The following WWTR1 variants were observed in gnomAD, a reference collection of about 807,000 sequenced individuals.
WWTR1 encodes the protein WW domain containing transcription regulator 1, also known as WW domain-containing transcription regulator protein 1.
In WWTR1, 13 loss-of-function variants were observed where a neutral mutation model predicts 40.1. That is an observed-to-expected ratio of 0.32 (90% CI 0.21 to 0.52). The LOEUF (loss-of-function observed/expected upper bound fraction) is 0.52. Ranked by LOEUF, WWTR1 falls within the 20% of genes least tolerant of loss-of-function variation. The pLI is 0.97. For missense variants in WWTR1, 436 were observed against 523.1 expected, an observed-to-expected ratio of 0.83 and a Z score of 1.63; for synonymous variants, 230 against 210.1, an observed-to-expected ratio of 1.09 and a Z score of -0.82.
At chr3:149,557,793 A>G (rs1296326427) in intron 3 of WWTR1, among the ~76,000 whole-genome samples, 1 of 151,952 alleles carries the variant, frequency 6.6e-6, no homozygotes, top group Admixed American at 6.6e-5. Context: ...ACCTGAGGTC[A>G]GGAGTTCAAG....
At chr3:149,703,985 G>C (rs566058709), upstream of WWTR1, among the ~76,000 whole-genome samples, 2 of 152,260 alleles carry the variant, frequency 1.3e-5, no homozygotes, top group South Asian at 4.1e-4. Flanking sequence ...AGAATGGACT[G>C]ATAAACCTCT....
intron 4 of WWTR1, among the ~76,000 whole-genome samples, chr3:149,528,480 T>C (rs1386095001): frequency 6.6e-6 from 1 of 152,058 alleles, no homozygotes; most frequent in Non-Finnish European, 1.5e-5. Flanking sequence ...AAACAATGAG[T>C]TGAAAGTTTA....
chr3:149,581,095 A>G (rs1738135836), intron 2 of WWTR1, among the ~76,000 whole-genome samples: 1 of 152,200 alleles, frequency 6.6e-6, no homozygotes, highest in Non-Finnish European at 1.5e-5. Flanking sequence ...TAGAAACCCT[A>G]ATCAATCTTC....
At chr3:149,672,262 C>T (rs921214412) in intron 1 of WWTR1, among the ~76,000 whole-genome samples, 1 of 152,172 alleles carries the variant, frequency 6.6e-6, no homozygotes, top group African/African-American at 2.4e-5. Context: ...TTCCTAGAGC[C>T]TCATTCTCAA....
chr3:149,651,333 A>G (rs1044413073), intron 2 of WWTR1, among the ~76,000 whole-genome samples: 7 of 152,192 alleles, frequency 4.6e-5, no homozygotes, highest in African/African-American at 1.7e-4. Flanking sequence ...ATAAACCAAA[A>G]AAATAGGAAG....
chr3:149,671,237 G>T (rs1037851224), intron 1 of WWTR1, among the ~76,000 whole-genome samples: 3 of 151,788 alleles, frequency 2.0e-5, no homozygotes, highest in African/African-American at 7.3e-5. Context: ...AGAAGAAACG[G>T]GTCTACACCT....
chr3:149,619,849 G>A (rs1044760813), intron 2 of WWTR1, among the ~76,000 whole-genome samples: 3 of 152,080 alleles, frequency 2.0e-5, no homozygotes, highest in Non-Finnish European at 4.4e-5. Context: ...CCTCGCACAG[G>A]CTGAAACTGG....
chr3:149,627,416 TG>T (rs913726616), intron 2 of WWTR1, among the ~76,000 whole-genome samples: 2 of 152,126 alleles, frequency 1.3e-5, no homozygotes, highest in African/African-American at 4.8e-5. Context: ...GAAATTTTGA[TG>T]GGAAGAAACT....
intron 1 of WWTR1, among the ~76,000 whole-genome samples, chr3:149,675,191 C>T (rs1366047806): frequency 2.0e-5 from 3 of 152,206 alleles, no homozygotes; most frequent in Non-Finnish European, 4.4e-5. Flanking sequence ...TGGCTCAGGG[C>T]CATATCTTGA....
intron 2 of WWTR1, among the ~76,000 whole-genome samples, chr3:149,586,934 C>T (rs1576580521): frequency 1.3e-5 from 2 of 152,320 alleles, no homozygotes; most frequent in Middle Eastern, 3.4e-3. Context: ...GGTGTGGAAG[C>T]TCCAAGTACC....
At chr3:149,552,862 G>A (rs1446551349) in intron 3 of WWTR1, among the ~76,000 whole-genome samples, 4 of 152,158 alleles carry the variant, frequency 2.6e-5, no homozygotes, top group African/African-American at 9.7e-5. Context: ...TCTTTCATCA[G>A]CTGAGGAAAT....
At chr3:149,549,544 A>G (rs1414645111) in intron 3 of WWTR1, among the ~76,000 whole-genome samples, 3 of 152,256 alleles carry the variant, frequency 2.0e-5, no homozygotes, top group Admixed American at 6.5e-5. Flanking sequence ...TATGATGAGT[A>G]AAGGTAATGG....
At chr3:149,526,150 T>G (rs1258456860) in intron 5 of WWTR1, 25 bp from the exon 6 acceptor site, 2 of 1,519,370 alleles carry the variant, frequency 1.3e-6, no homozygotes, top group East Asian at 2.3e-5. Context: ...ATGAAGAAAC[T>G]TCAATATGAG....
chr3:149,538,693 A>C (rs948277546), intron 4 of WWTR1, among the ~76,000 whole-genome samples: 2 of 152,314 alleles, frequency 1.3e-5, no homozygotes, highest in Admixed American at 6.5e-5. Flanking sequence ...ACTGGAAAGA[A>C]AAAGGAGTAT....
At chr3:149,585,121 C>CATGTGT (rs139952174) in intron 2 of WWTR1, among the ~76,000 whole-genome samples, 1 of 144,314 alleles carries the variant, frequency 6.9e-6, no homozygotes, top group South Asian at 2.3e-4. Flanking sequence ...TGATTTCTTT[C>CATGTGT]GTGTGTGTGT....
chr3:149,568,544 A>AAC (rs1737454638), intron 3 of WWTR1, among the ~76,000 whole-genome samples: 1 of 115,810 alleles, frequency 8.6e-6, no homozygotes, highest in Non-Finnish European at 1.8e-5. Context: ...AAAAAAAAAA[A>AAC]AAAAAAAAAA....
intron 2 of WWTR1, among the ~76,000 whole-genome samples, chr3:149,626,627 G>A (rs1220568887): frequency 6.6e-6 from 1 of 151,938 alleles, no homozygotes; most frequent in Admixed American, 6.6e-5. Context: ...TTTGGTTAGA[G>A]GTAAAATTCT....
At chr3:149,571,701 C>T (rs1292484525) in intron 3 of WWTR1, among the ~76,000 whole-genome samples, 2 of 152,210 alleles carry the variant, frequency 1.3e-5, no homozygotes, top group African/African-American at 4.8e-5. Flanking sequence ...AGGAATAACG[C>T]TTCCATTTTT....
intron 3 of WWTR1, among the ~76,000 whole-genome samples, chr3:149,557,705 T>C (rs1736892648): frequency 6.6e-6 from 1 of 151,988 alleles, no homozygotes. Context: ...TTTTATCCTT[T>C]TGAATTACAT....
Sources: gnomAD v4.1 joint callset for allele counts (sites outside exome capture counted in the v4.1 genomes callset) on GRCh38, gnomAD v4.1.1 for gene constraint, MANE v1.5 for transcripts, NCBI Gene and HGNC (gene_info 2026-07-23, HGNC 2026-07-21) for gene names.